The following DDX6 variants were observed in gnomAD, a reference collection of about 807,000 sequenced individuals.
DDX6 encodes probable ATP-dependent RNA helicase DDX6.
A neutral mutation model predicts 60.6 loss-of-function variants in DDX6; 7 were observed. The observed-to-expected ratio is 0.12, with a 90% CI of 0.07 to 0.22. The LOEUF (loss-of-function observed/expected upper bound fraction) is 0.22, where lower values mean the gene tolerates loss of function less well. Ranked by LOEUF, DDX6 falls within the 10% of genes least tolerant of loss-of-function variation. The pLI is 1.00. For missense variants in DDX6, 270 were observed against 589.9 expected, an observed-to-expected ratio of 0.46 and a Z score of 5.62; for synonymous variants, 207 against 201.0, an observed-to-expected ratio of 1.03 and a Z score of -0.25.
chr11:118,760,047 G>A lies in DDX6; in HGVS notation c.742-3C>T, dbSNP rs782181275. On this transcript the variant is annotated splice_region_variant and splice_polypyrimidine_tract_variant and intron_variant, in intron 7 of 13. Coordinates refer to ENST00000534980, the MANE Select transcript of DDX6 (RefSeq NM_004397.6). The stretch of plus-strand genomic sequence containing the variant: ...TCCTGTGACAGCAACTTATCTGCCT[G>A]CAGTAGAAAGAAAAGACAATTTTAA... The A allele has an allele frequency of 3.1e-6, 5 of 1,609,332 alleles. No homozygotes were observed. The South Asian group carries it at 3.3e-5, about 11-fold the overall frequency.
chr11:118,760,112 G>A, intron 7 of DDX6, 68 bp from the exon 8 acceptor site: 1 of 1,421,500 alleles, frequency 7.0e-7, no homozygotes, highest in Non-Finnish European at 9.5e-7. Flanking sequence ...TTAATACATG[G>A]TCAAAGAATA....
chr11:118,753,417 G>A (rs1860849833), intron 13 of DDX6, among the ~76,000 whole-genome samples: 1 of 134,874 alleles, frequency 7.4e-6, no homozygotes, highest in Non-Finnish European at 1.5e-5. Flanking sequence ...TCAGCTCACT[G>A]TAACCTCCAC....
intron 8 of DDX6, 106 bp from the exon 9 acceptor site, chr11:118,759,008 G>C (rs1285735016): frequency 1.4e-6 from 2 of 1,427,894 alleles, no homozygotes; most frequent in Non-Finnish European, 1.9e-6. Context: ...AACTCTTGCT[G>C]TAAGGGACGC....
chr11:118,784,395 T>TA (rs1862005488), intron 2 of DDX6, among the ~76,000 whole-genome samples: 2 of 151,834 alleles, frequency 1.3e-5, no homozygotes, highest in Admixed American at 6.6e-5. Context: ...AACATATACC[T>TA]CAGTTCAGTA....
intron 5 of DDX6, chr11:118,767,623 C>T (rs552050716): frequency 4.0e-5 from 5 of 124,958 alleles, no homozygotes; most frequent in South Asian, 2.5e-4. Context: ...TGACCTCAGC[C>T]GCCTTTTTTT....
In DDX6 at chr11:118,754,678, C is replaced by T. The variant is rs782097112; in HGVS notation, c.*7+27G>A. On this transcript the variant is annotated intron_variant, in intron 13 of 13. Coordinates refer to ENST00000534980, the MANE Select transcript of DDX6 (RefSeq NM_004397.6). ...TTTGATTTCCCTCATTTAAAGGTTC[C>T]TCTTAGCTGTTCTGTCAGGGACGTA... 9 of 1,564,046 alleles carry T rather than the reference C, an allele frequency of 5.8e-6. No homozygotes were observed. In the South Asian group the frequency reaches 6.0e-5, roughly 10 times the overall value.
Position 118,751,721 on chromosome 11 carries a change from A to G in DDX6, c.*384T>C, listed in dbSNP as rs1250559571. The G allele has an allele frequency of 3.4e-6, 1 of 294,988 alleles. No individual in the cohort carries two copies. Among genetic ancestry groups the G allele is most frequent in the Middle Eastern group, 1.2e-3 (1 of 820 alleles). The allele number at this position is 294,988 out of a possible 1,614,324, so 18.3% of individuals were successfully genotyped here. On this transcript the variant is annotated 3_prime_UTR_variant, in exon 14 of 14. Transcript: ENST00000534980. ...AGGAATCAGGGAGAAGTTGAAATGC[A>G]CGAGAGTCAGCTGTTGGAGAATTTT...
rs1206235705 is a variant in DDX6 at position 118,749,041 on chromosome 11, T to C, written c.*3064A>G. ...CTCTTACTTCTGTGAAAGATCATTT[T>C]AGAATAAATGTATTCCATTCCTATG... On this transcript the variant is annotated 3_prime_UTR_variant, in exon 14 of 14. Coordinates refer to ENST00000534980, the MANE Select transcript of DDX6 (RefSeq NM_004397.6). 1 of 152,210 alleles carries C rather than the reference T, an allele frequency of 6.6e-6. No homozygotes were observed. Among genetic ancestry groups the C allele is most frequent in the East Asian group, 1.9e-4 (1 of 5,206 alleles). 9.4% of individuals were successfully genotyped at this position (152,210 alleles called of 1,614,324 possible). A position where few individuals can be genotyped will look rare whatever the true frequency, so the allele number is the denominator to read the frequency against.
chr11:118,758,966 T>G, intron 8 of DDX6, 64 bp from the exon 9 acceptor site: 1 of 1,597,020 alleles, frequency 6.3e-7, no homozygotes, highest in Non-Finnish European at 8.5e-7. Flanking sequence ...CATCTCAAAT[T>G]CAAAATATAC....
At chr11:118,765,464 G>A in intron 5 of DDX6, 109 bp from the exon 6 acceptor site, 2 of 1,164,312 alleles carry the variant, frequency 1.7e-6, no homozygotes, top group South Asian at 1.3e-5. Flanking sequence ...TGCGCCTTAT[G>A]ATGCAGTGGC....
rs539285205 is a variant in DDX6, at chr11:118,750,692, A to G, written c.*1413T>C. The G allele has an allele frequency of 6.6e-6, 1 of 152,240 alleles. No individual in the cohort carries two copies. Among genetic ancestry groups the G allele is most frequent in the South Asian group, 2.1e-4 (1 of 4,832 alleles). 9.4% of individuals were successfully genotyped at this position (152,240 alleles called of 1,614,324 possible). On this transcript the variant is annotated 3_prime_UTR_variant, in exon 14 of 14. Coordinates refer to ENST00000534980, the MANE Select transcript of DDX6 (RefSeq NM_004397.6). ...CAATAGAATTCCTACACTGCAAGGT[A>G]GATTAATCTTTGCCCCCTGTTGCAG...
chr11:118,789,198 C>G (rs1440625567), intron 1 of DDX6: 1 of 151,790 alleles, frequency 6.6e-6, no homozygotes, highest in Non-Finnish European at 1.5e-5. Flanking sequence ...GTCTCAGCCT[C>G]CCGAGTAGCT....
intron 2 of DDX6, among the ~76,000 whole-genome samples, chr11:118,782,100 C>A (rs1861918732): frequency 6.6e-6 from 1 of 152,164 alleles, no homozygotes; most frequent in Non-Finnish European, 1.5e-5. Flanking sequence ...GTAATCCCAG[C>A]TACTCAAGAG....
chr11:118,790,677 G>A (rs1160483990), intron 1 of DDX6, among the ~76,000 whole-genome samples: 1 of 152,032 alleles, frequency 6.6e-6, no homozygotes, highest in Non-Finnish European at 1.5e-5. Context: ...CGACCCTGCT[G>A]CGCACCACAT....
chr11:118,790,526 A>T (rs1862236106), intron 1 of DDX6, among the ~76,000 whole-genome samples: 1 of 151,884 alleles, frequency 6.6e-6, no homozygotes, highest in Non-Finnish European at 1.5e-5. Context: ...CCAATACAGC[A>T]TGTCCCTGCC....
chr11:118,766,489 T>C (rs1861358287), intron 5 of DDX6, among the ~76,000 whole-genome samples: 1 of 152,096 alleles, frequency 6.6e-6, no homozygotes, highest in Non-Finnish European at 1.5e-5. Context: ...ACACAGGACA[T>C]TATGAAAACT....
chr11:118,768,950 C>T (rs1332949808), intron 4 of DDX6, among the ~76,000 whole-genome samples: 1 of 128,012 alleles, frequency 7.8e-6, no homozygotes, highest in East Asian at 2.5e-4. Flanking sequence ...ATGATTGCAC[C>T]ACTGTACTCC....
At chr11:118,756,480 A>G (rs539227838) in intron 10 of DDX6, among the ~76,000 whole-genome samples, 157 bp from the exon 11 acceptor site, 7 of 152,220 alleles carry the variant, frequency 4.6e-5, no homozygotes, top group Admixed American at 1.3e-4. Context: ...TAAGTTCTTG[A>G]TATCTTCGTC....
In DDX6 at chr11:118,751,246, T is replaced by C. The variant is rs1398087928; in HGVS notation, c.*859A>G. ...GAGGCATATGTAACCCAGTCTTTAG[T>C]GTCTGCTATAGAGCACAAAGGCTTG... On this transcript the variant is annotated 3_prime_UTR_variant, in exon 14 of 14. Coordinates refer to ENST00000534980, the MANE Select transcript of DDX6 (RefSeq NM_004397.6). 2.0e-5 allele frequency: 3 copies of C among 152,320 alleles called. No homozygotes were observed. The highest frequency in any genetic ancestry group is 4.8e-5 in the African/African-American group (2 of 41,516). 9.4% of individuals were successfully genotyped at this position (152,320 alleles called of 1,614,324 possible). A position where few individuals can be genotyped will look rare whatever the true frequency, so the allele number is the denominator to read the frequency against.
Sources: gnomAD v4.1 joint callset for allele counts (sites outside exome capture counted in the v4.1 genomes callset) on GRCh38, gnomAD v4.1.1 for gene constraint, MANE v1.5 for transcripts, NCBI Gene and HGNC (gene_info 2026-07-23, HGNC 2026-07-21) for gene names.